The following PTPRN2 variants were observed in gnomAD, a reference collection of about 807,000 sequenced individuals.
PTPRN2 encodes protein tyrosine phosphatase receptor type N2.
Under a neutral mutation model 118.8 loss-of-function variants are expected in PTPRN2, and 74 were observed. That is an observed-to-expected ratio of 0.62 (90% CI 0.52 to 0.76). PTPRN2 has a LOEUF of 0.76. Among genes scored for constraint, PTPRN2 ranks in the 30% least tolerant of loss-of-function variants. The pLI, the probability that PTPRN2 is intolerant of heterozygous loss-of-function variation, is 0.00. For synonymous variants in PTPRN2, 641 were observed against 608.0 expected (o/e 1.05, Z -0.80); for missense variants, 1,481 against 1,394.4 (o/e 1.06, Z -0.99).
Position 157,780,674 on chromosome 7 carries a change from C to T in PTPRN2, c.1789-97737G>A, listed in dbSNP as rs765101118. Among the ~76,000 whole-genome samples, 138 of 152,304 alleles carry T rather than the reference C, an allele frequency of 9.1e-4. 2 individuals are homozygous for T. Among genetic ancestry groups the T allele is most frequent in the African/African-American group, 3.0e-3 (124 of 41,574 alleles). Reference sequence around the variant, plus strand: ...TTGCACAATGGGGCTTCACCCATTTCGCAGGGTGGTCACGGGTATTCCCTA... The same window carrying T: ...TTGCACAATGGGGCTTCACCCATTTTGCAGGGTGGTCACGGGTATTCCCTA... On this transcript the variant is annotated intron_variant, in intron 12 of 22. Coordinates refer to ENST00000389418, the MANE Select transcript of PTPRN2 (RefSeq NM_002847.5). This position sits in a 1 kb window ranked among gnomAD's most constrained non-coding sequence, Gnocchi z 4.5.
At chr7:158,351,930 C>T (rs1342382827) in intron 2 of PTPRN2, among the ~76,000 whole-genome samples, 9 of 110,422 alleles carry the variant, frequency 8.2e-5, no homozygotes, top group African/African-American at 2.7e-4. Context: ...CCCTCCTGTC[C>T]GCTCCCCTCC....
At chr7:157,914,256 T>TGTCTTTGAGATTCTCC (rs1798270130) in intron 11 of PTPRN2, among the ~76,000 whole-genome samples, 1 of 152,220 alleles carries the variant, frequency 6.6e-6, no homozygotes, top group African/African-American at 2.4e-5. Context: ...AGAGATTCTC[T>TGTCTTTGAGATTCTCC]GTCTTTGAGA....
intron 11 of PTPRN2, among the ~76,000 whole-genome samples, chr7:157,927,047 G>T (rs1043118406): frequency 2.3e-5 from 3 of 131,356 alleles, no homozygotes; most frequent in Non-Finnish European, 3.6e-5. Flanking sequence ...CCAGGGACCC[G>T]TCTGAGAGCA....
intron 3 of PTPRN2, among the ~76,000 whole-genome samples, chr7:158,209,571 A>T (rs1465461109): frequency 1.3e-5 from 2 of 152,260 alleles, no homozygotes; most frequent in Non-Finnish European, 2.9e-5. Context: ...GAGTTAAAGC[A>T]AGAGACAGAC....
intron 2 of PTPRN2, among the ~76,000 whole-genome samples, chr7:158,489,373 G>A (rs1310720762): frequency 6.6e-6 from 1 of 152,170 alleles, no homozygotes; most frequent in Non-Finnish European, 1.5e-5. Flanking sequence ...CTTGAGCCCA[G>A]GAGGCGAAGG....
rs146756980 is a variant in PTPRN2, at chr7:157,978,971, G to C, written c.1724-80234C>G. On this transcript the variant is annotated intron_variant, in intron 11 of 22. Transcript: ENST00000389418. ...ACCTGCCCAGCGGAAGGCCCAGAGG[G>C]GGGTGGCTCTCTGGAGTTGACTCTG... 8.3e-3 allele frequency among the ~76,000 whole-genome samples: 1,256 copies of C among 152,154 alleles called. 25 individuals carry two copies. The highest frequency in any genetic ancestry group is 0.031 in the Middle Eastern group (9 of 292).
intron 11 of PTPRN2, among the ~76,000 whole-genome samples, chr7:158,048,884 C>T (rs975347235): frequency 2.6e-5 from 4 of 151,556 alleles, no homozygotes; most frequent in African/African-American, 7.3e-5. Context: ...ATTACCACCA[C>T]CATCACCATC....
intron 12 of PTPRN2, among the ~76,000 whole-genome samples, chr7:157,691,780 A>AC (rs1797511881): frequency 6.6e-6 from 1 of 151,188 alleles, no homozygotes; most frequent in Non-Finnish European, 1.5e-5. Flanking sequence ...TGCCCACATA[A>AC]CCCCCGGCCC....
intron 11 of PTPRN2, among the ~76,000 whole-genome samples, chr7:158,001,776 G>A (rs983005982): frequency 2.0e-5 from 3 of 152,226 alleles, no homozygotes; most frequent in Non-Finnish European, 4.4e-5. Context: ...GCATGGGCCC[G>A]CTGGCCTTCC....
intron 14 of PTPRN2, among the ~76,000 whole-genome samples, chr7:157,625,231 T>C (rs1803494758): frequency 6.6e-6 from 1 of 152,220 alleles, no homozygotes; most frequent in Non-Finnish European, 1.5e-5. Flanking sequence ...CACTACTGGG[T>C]ATTTACCTAG....
chr7:158,465,917 G>C (rs1247066332), intron 2 of PTPRN2, among the ~76,000 whole-genome samples: 1 of 152,196 alleles, frequency 6.6e-6, no homozygotes, highest in East Asian at 1.9e-4. Flanking sequence ...CACACGTGCT[G>C]AGCAGCTTTA....
intron 2 of PTPRN2, among the ~76,000 whole-genome samples, chr7:158,350,743 G>A (rs536960452): frequency 4.6e-5 from 7 of 152,262 alleles, no homozygotes; most frequent in African/African-American, 1.7e-4. Flanking sequence ...CACCGGCCAG[G>A]CCAGTGCCTC....
At chr7:157,997,895 C>CG (rs1406447858) in intron 11 of PTPRN2, among the ~76,000 whole-genome samples, 5 of 48,920 alleles carry the variant, frequency 1.0e-4, no homozygotes, top group Non-Finnish European at 1.5e-4. Flanking sequence ...TAGTGCAGGG[C>CG]AGGGGGAGAG....
At chr7:157,612,331 G>A (rs1389590937) in intron 15 of PTPRN2, among the ~76,000 whole-genome samples, 1 of 129,198 alleles carries the variant, frequency 7.7e-6, no homozygotes, top group African/African-American at 2.9e-5. Flanking sequence ...TGTCTGCACG[G>A]CTCCACCGAG....
At chr7:157,892,594 G>T (rs922019457) in intron 12 of PTPRN2, among the ~76,000 whole-genome samples, 1 of 152,090 alleles carries the variant, frequency 6.6e-6, no homozygotes, top group Admixed American at 6.6e-5. Flanking sequence ...TTAGATTTCT[G>T]TAATCAAACT....
rs1801268232 is a variant in PTPRN2 at position 157,595,558 on chromosome 7, T to TGGAGGTTAGGAAGCCA, written c.2419-259_2419-244dup. Among the ~76,000 whole-genome samples, 6 of 93,892 alleles carry TGGAGGTTAGGAAGCCA rather than the reference T, an allele frequency of 6.4e-5. 1 individual carries two copies. The highest frequency in any genetic ancestry group is 1.2e-4 in the Non-Finnish European group (6 of 50,070). The allele number at this position is 93,892 out of a possible 152,430, so 61.6% of individuals were successfully genotyped here. The stretch of plus-strand genomic sequence containing the variant: ...TAGGAAGCCAGGAGGTTAGGAAGCC[T>TGGAGGTTAGGAAGCCA]GGAGGTTAGGAAGCCAGGAGGTTAG... On this transcript the variant is annotated intron_variant, in intron 16 of 22. Transcript: ENST00000389418.
At chr7:158,335,760 G>A (rs1805427127) in intron 2 of PTPRN2, among the ~76,000 whole-genome samples, 1 of 8,512 alleles carries the variant, frequency 1.2e-4, no homozygotes, top group Non-Finnish European at 2.6e-4. Flanking sequence ...CATAAGAAGT[G>A]AAACCTGCAG....
intron 21 of PTPRN2, among the ~76,000 whole-genome samples, chr7:157,568,010 AT>A (rs1799573208): frequency 1.3e-5 from 2 of 152,082 alleles, no homozygotes; most frequent in Admixed American, 6.5e-5. Context: ...TCTGGCCCCT[AT>A]TTAAAGAGAT....
At chr7:158,127,163 C>T (rs146914790) in intron 9 of PTPRN2, among the ~76,000 whole-genome samples, 189 of 152,332 alleles carry the variant, frequency 1.2e-3, no homozygotes, top group African/African-American at 3.8e-3. Flanking sequence ...CCGGCCTCCC[C>T]GCAAGACTCA....
Sources: gnomAD v4.1 joint callset for allele counts (sites outside exome capture counted in the v4.1 genomes callset) on GRCh38, gnomAD v4.1.1 for gene constraint, Gnocchi (gnomAD v3.1) non-coding constraint, MANE v1.5 for transcripts, NCBI Gene and HGNC (gene_info 2026-07-23, HGNC 2026-07-21) for gene names.